The following SLC5A1 variants were observed in gnomAD, a reference collection of about 807,000 sequenced individuals.
SLC5A1 encodes solute carrier family 5 member 1.
In SLC5A1, 42 loss-of-function variants were observed where a neutral mutation model predicts 73.5. The ratio of observed to expected loss-of-function variants is 0.57; its 90% confidence interval spans 0.45 to 0.74. SLC5A1 has a LOEUF of 0.74. Among genes scored for constraint, SLC5A1 ranks in the 30% least tolerant of loss-of-function variants. The pLI is 0.00. For missense variants in SLC5A1, 634 were observed against 855.4 expected, an observed-to-expected ratio of 0.74 and a Z score of 3.23; for synonymous variants, 300 against 317.4, an observed-to-expected ratio of 0.95 and a Z score of 0.58.
intron 2 of SLC5A1, chr22:32,059,326 G>C: frequency 3.0e-6 from 3 of 985,622 alleles, no homozygotes; most frequent in Non-Finnish European, 3.6e-6. Flanking sequence ...CCAGGAGAGG[G>C]GAACAGACAA....
At chr22:32,081,666 G>A (rs866243648) in intron 5 of SLC5A1, among the ~76,000 whole-genome samples, 200 bp from the exon 6 acceptor site, 1 of 152,226 alleles carries the variant, frequency 6.6e-6, no homozygotes, top group Admixed American at 6.5e-5. Flanking sequence ...TAAAGGCTCA[G>A]AAAAGTTGTG....
intron 1 of SLC5A1, 40 bp from the exon 2 acceptor site, chr22:32,049,902 CT>C: frequency 6.4e-7 from 1 of 1,556,900 alleles, no homozygotes; most frequent in Non-Finnish European, 8.9e-7. Flanking sequence ...CAAGGCCACT[CT>C]TCTAGTTTTC....
At chr22:32,088,698 CT>C (rs1164277302) in intron 10 of SLC5A1, among the ~76,000 whole-genome samples, 4 of 152,202 alleles carry the variant, frequency 2.6e-5, no homozygotes, top group African/African-American at 9.7e-5. Flanking sequence ...CATTCCTCAC[CT>C]TACTGGATCC....
chr22:32,070,700 A>G (rs1352939730), intron 5 of SLC5A1, among the ~76,000 whole-genome samples: 1 of 152,138 alleles, frequency 6.6e-6, no homozygotes, highest in Non-Finnish European at 1.5e-5. Context: ...CTTGATTGTA[A>G]AACAAAACAA....
chr22:32,063,879 C>G (rs552429852), intron 2 of SLC5A1, among the ~76,000 whole-genome samples: 22 of 152,144 alleles, frequency 1.4e-4, no homozygotes, highest in African/African-American at 5.1e-4. Context: ...GAAGGTTGTT[C>G]CCCTAATAGA....
chr22:32,100,059 G>C (rs537677448), intron 12 of SLC5A1, among the ~76,000 whole-genome samples: 10 of 152,208 alleles, frequency 6.6e-5, no homozygotes, highest in Admixed American at 1.3e-4. Flanking sequence ...GGAGAGGGAA[G>C]ACATGGCATT....
chr22:32,105,676 C>A (rs1250245482), intron 14 of SLC5A1, among the ~76,000 whole-genome samples: 1 of 152,132 alleles, frequency 6.6e-6, no homozygotes, highest in Non-Finnish European at 1.5e-5. Flanking sequence ...GTAGGTTAGT[C>A]ATTCTTTCTA....
chr22:32,064,539 G>A (rs1027168969), intron 2 of SLC5A1, among the ~76,000 whole-genome samples: 1 of 150,792 alleles, frequency 6.6e-6, no homozygotes, highest in African/African-American at 2.4e-5. Flanking sequence ...CTCAAGCTTT[G>A]AGCAGAAGGA....
At chr22:32,055,549 G>A (rs2093950558) in intron 2 of SLC5A1, among the ~76,000 whole-genome samples, 1 of 152,122 alleles carries the variant, frequency 6.6e-6, no homozygotes, top group Non-Finnish European at 1.5e-5. Flanking sequence ...GTTTACAGTG[G>A]GATGGGTAGG....
At chr22:32,085,162 C>A in intron 9 of SLC5A1, 127 bp downstream of exon 9, 2 of 1,137,212 alleles carry the variant, frequency 1.8e-6, no homozygotes, top group Non-Finnish European at 2.6e-6. Context: ...GTCACCCAGG[C>A]TGGAGTGCAG....
At chr22:32,077,013 T>C (rs1420161280) in intron 5 of SLC5A1, among the ~76,000 whole-genome samples, 2 of 152,232 alleles carry the variant, frequency 1.3e-5, no homozygotes, top group Non-Finnish European at 2.9e-5. Flanking sequence ...CTGTGGCTGC[T>C]TTTATGCTTT....
intron 2 of SLC5A1, among the ~76,000 whole-genome samples, chr22:32,064,529 C>T (rs996109676): frequency 6.6e-6 from 1 of 151,910 alleles, no homozygotes; most frequent in Non-Finnish European, 1.5e-5. Context: ...TGTTATCCCC[C>T]TCAAGCTTTG....
rs765568860 is a variant in SLC5A1 at position 32,099,105 on chromosome 22, AATATATATATAT to A, written c.1281-62_1281-51del. On this transcript the variant is annotated intron_variant, in intron 11 of 14. Transcript: ENST00000266088. ...GTCTCAAAAAAAAAAAAAAAAAAAA[AATATATATATAT>A]ATATATATATATATACTCATGTAGA... 50 of 57,626 alleles carry A rather than the reference AATATATATATAT, an allele frequency of 8.7e-4. 1 individual carries two copies. Among genetic ancestry groups the A allele is most frequent in the South Asian group, 6.7e-3 (11 of 1,632 alleles). 3.6% of individuals were successfully genotyped at this position (57,626 alleles called of 1,614,324 possible). A position where few individuals can be genotyped will look rare whatever the true frequency, so the allele number is the denominator to read the frequency against.
At chr22:32,067,794 T>C (rs1478670513) in intron 3 of SLC5A1, among the ~76,000 whole-genome samples, 173 bp from the exon 4 acceptor site, 1 of 152,208 alleles carries the variant, frequency 6.6e-6, no homozygotes, top group Non-Finnish European at 1.5e-5. Context: ...TGCTGTTTTC[T>C]AGCTGCTATT....
chr22:32,084,646 G>T lies in SLC5A1; in HGVS notation c.872G>T (p.Trp291Leu). Residue 291 changes from tryptophan to leucine, a missense_variant, in exon 8 of 15, where the codon TGG becomes TTG. Coordinates refer to ENST00000266088, the MANE Select transcript of SLC5A1 (RefSeq NM_000343.4). ...ATGTCCATCCTTACCTTGTGGTACT[G>T]GTGCACAGATCAGGTACCCAAGCTG... ...FGMSILTLWYWCTDQVIVQRC... is the reference protein window; with the variant it reads ...FGMSILTLWYLCTDQVIVQRC... 6.2e-7 allele frequency: 1 copy of T among 1,613,882 alleles called. No individual in the cohort carries two copies. Among genetic ancestry groups the T allele is most frequent in the Non-Finnish European group, 8.5e-7 (1 of 1,179,774 alleles).
intron 10 of SLC5A1, among the ~76,000 whole-genome samples, chr22:32,089,995 G>A (rs528829924): frequency 2.0e-5 from 3 of 151,294 alleles, no homozygotes; most frequent in Non-Finnish European, 2.9e-5. Flanking sequence ...GTAGTATTCC[G>A]TATACTGATT....
chr22:32,050,614 G>C (rs1011143136), intron 2 of SLC5A1, among the ~76,000 whole-genome samples: 1 of 152,172 alleles, frequency 6.6e-6, no homozygotes, highest in Non-Finnish European at 1.5e-5. Flanking sequence ...GAAAGGAGTG[G>C]TTATGACCTG....
intron 14 of SLC5A1, among the ~76,000 whole-genome samples, chr22:32,106,433 C>T (rs2094045862): frequency 6.6e-6 from 1 of 152,148 alleles, no homozygotes; most frequent in Non-Finnish European, 1.5e-5. Flanking sequence ...TTTGACAGCA[C>T]TCAGTGAGTA....
chr22:32,105,165 G>A (rs1048508742), intron 14 of SLC5A1, among the ~76,000 whole-genome samples: 1 of 152,150 alleles, frequency 6.6e-6, no homozygotes, highest in Admixed American at 6.5e-5. Flanking sequence ...CATTTATGAG[G>A]TACGTGAGAT....
Sources: gnomAD v4.1 joint callset for allele counts (sites outside exome capture counted in the v4.1 genomes callset) on GRCh38, gnomAD v4.1.1 for gene constraint, MANE v1.5 for transcripts, NCBI Gene and HGNC (gene_info 2026-07-23, HGNC 2026-07-21) for gene names.